Variants in OMD observed in about 807,000 individuals in gnomAD.
The protein encoded by OMD is osteomodulin, also known as KSPG osteomodulin.
OMD carries 19 observed loss-of-function variants against 31.2 expected under a neutral mutation model. The ratio of observed to expected loss-of-function variants is 0.61; its 90% CI spans 0.42 to 0.89. OMD has a LOEUF of 0.89. OMD is among the 40% of genes least tolerant of loss of function. OMD has a pLI of 0.00. For synonymous variants in OMD, 155 were observed against 166.4 expected, an observed-to-expected ratio of 0.93 and a Z score of 0.53; for missense variants, 448 against 490.8, an observed-to-expected ratio of 0.91 and a Z score of 0.82.
At chr9:92,423,052 T>C (rs1843861183) in intron 1 of OMD, among the ~76,000 whole-genome samples, 1 of 152,220 alleles carries the variant, frequency 6.6e-6, no homozygotes, top group Admixed American at 6.5e-5. Flanking sequence ...TAAGGCTTGC[T>C]AGCAAATGCT....
rs1335555745 is a variant in OMD, at chr9:92,413,279, G to T, written c.*1873C>A. Reference sequence around the variant, plus strand: ...TGGGATTACAGGTGTGAGCTAATGCGCCCGACTATATGTAACTAACTTTTT... The same window carrying T: ...TGGGATTACAGGTGTGAGCTAATGCTCCCGACTATATGTAACTAACTTTTT... On this transcript the variant is annotated 3_prime_UTR_variant, in exon 3 of 3. Transcript: ENST00000375550. Among the ~76,000 whole-genome samples the T allele has an allele frequency of 2.0e-5, 3 of 151,930 alleles. No homozygotes were observed. Among genetic ancestry groups the T allele is most frequent in the African/African-American group, 7.3e-5 (3 of 41,368 alleles).
rs145619571 is a variant in OMD at position 92,416,812 on chromosome 9, G to A, written c.747C>T (p.Pro249=). 3.6e-5 allele frequency: 58 copies of A among 1,613,572 alleles called. No homozygotes were observed. The highest frequency in any genetic ancestry group is 4.6e-5 in the Non-Finnish European group (54 of 1,179,794). Residue 249 remains proline, a synonymous_variant, in exon 2 of 3, where the codon CCC becomes CCT. Transcript: ENST00000375550. The part of the protein sequence containing the change: ...SLENNSISSI[P]EKYFDKLPKL... ...TTGGAAGTTTGTCGAAGTATTTTTC[G>A]GGTATAGAAGAAATTGAATTATTTT...
rs1170551294 is a variant in OMD, at chr9:92,413,774, T to C, written c.*1378A>G. Among the ~76,000 whole-genome samples the C allele has an allele frequency of 2.0e-5, 3 of 152,214 alleles. No individual in the cohort carries two copies. Among genetic ancestry groups the C allele is most frequent in the African/African-American group, 7.2e-5 (3 of 41,452 alleles). ...TTGATTAGACGAATGAATGGAGTTT[T>C]CTTCATATTCATCCTGGATTCTTGA... On this transcript the variant is annotated 3_prime_UTR_variant, in exon 3 of 3. Transcript: ENST00000375550.
At chr9:92,421,186 C>T (rs374251851) in intron 1 of OMD, among the ~76,000 whole-genome samples, 19 of 152,138 alleles carry the variant, frequency 1.2e-4, no homozygotes, top group East Asian at 3.9e-4. Flanking sequence ...ATTACAGATG[C>T]GTGCCACCAC....
Position 92,415,250 on chromosome 9 carries a change from T to G in OMD, c.1168A>C (p.Ser390Arg). ...FRRFPDDDDE[S>R]EDHDDPDNAH... Reference sequence around the variant, plus strand: ...TTGTCAGGATCATCGTGATCTTCACTTTCATCATCATCATCTGGAAATCTC... The same window carrying G: ...TTGTCAGGATCATCGTGATCTTCACGTTCATCATCATCATCTGGAAATCTC... The change falls in exon 3 of 3, where the codon AGT becomes CGT. Residue 390 changes from serine (S) to arginine (R), a missense_variant. Transcript: ENST00000375550. 1 of 1,613,816 alleles carries G rather than the reference T, an allele frequency of 6.2e-7. No homozygotes were observed. Among genetic ancestry groups the G allele is most frequent in the Non-Finnish European group, 8.5e-7 (1 of 1,179,780 alleles).
Position 92,415,232 on chromosome 9 carries a change from GATCATCGTGATCTTCACTTTCATC to G in OMD, c.1162_1185del (p.Asp388_Asp395del). On this transcript the variant is annotated inframe_deletion, in exon 3 of 3. Transcript: ENST00000375550. Reference sequence around the variant, plus strand: ...TCTGGGCTCTCATGAGCATTGTCAGGATCATCGTGATCTTCACTTTCATCATCATCATCTGGAAATCTCCTGAAA... The same window carrying G: ...TCTGGGCTCTCATGAGCATTGTCAGGATCATCATCTGGAAATCTCCTGAAA... 2.5e-6 allele frequency: 4 copies of G among 1,613,660 alleles called. No individual in the cohort carries two copies. The highest frequency in any genetic ancestry group is 3.4e-6 in the Non-Finnish European group (4 of 1,179,720).
chr9:92,418,391 T>C (rs929566276), intron 1 of OMD, among the ~76,000 whole-genome samples: 1 of 134,152 alleles, frequency 7.5e-6, no homozygotes, highest in East Asian at 2.0e-4. Flanking sequence ...CTGGCCGAGA[T>C]TTTTTTTTTT....
chr9:92,421,659 T>C (rs528693877), intron 1 of OMD, among the ~76,000 whole-genome samples: 3 of 152,356 alleles, frequency 2.0e-5, no homozygotes, highest in South Asian at 4.1e-4. Flanking sequence ...GTTAGTTTGA[T>C]TGGGTTACAT....
chr9:92,423,821 A>G (rs1234691358), intron 1 of OMD, among the ~76,000 whole-genome samples: 1 of 152,164 alleles, frequency 6.6e-6, no homozygotes, highest in Non-Finnish European at 1.5e-5. Context: ...AATCACTAGC[A>G]TTGCTCAGCT....
chr9:92,417,287 A>G lies in OMD; in HGVS notation c.272T>C (p.Met91Thr), dbSNP rs759947905. ...CTGAAGGTAGAGTTGCTGAATGTGC[A>G]TCGGAATATTTGGGATAGTCTTGAG... ...RKLKTIPNIP[M>T]HIQQLYLQFN... The change falls in exon 2 of 3, where the codon ATG becomes ACG. Residue 91 changes from methionine to threonine, a missense_variant. By Grantham distance (81) the Met-to-Thr change is moderately conservative (BLOSUM62 -1). Coordinates refer to ENST00000375550, the MANE Select transcript of OMD (RefSeq NM_005014.3). The G allele has an allele frequency of 1.9e-6, 3 of 1,614,124 alleles. No homozygotes were observed. The highest frequency in any genetic ancestry group is 1.3e-5 in the African/African-American group (1 of 75,054).
At chr9:92,416,415 T>C (rs1843614576) in intron 2 of OMD, among the ~76,000 whole-genome samples, 1 of 152,102 alleles carries the variant, frequency 6.6e-6, no homozygotes, top group Non-Finnish European at 1.5e-5. Flanking sequence ...TATTTCTCAA[T>C]ATTTAAGGCA....
rs1843518459 is a variant in OMD, at chr9:92,414,075, A to G, written c.*1077T>C. 6.6e-6 allele frequency among the ~76,000 whole-genome samples: 1 copy of G among 152,190 alleles called. No individual in the cohort carries two copies. The highest frequency in any genetic ancestry group is 1.5e-5 in the Non-Finnish European group (1 of 68,030). ...ATGGTATATCAAGAGAGTTCATCAC[A>G]GCAGTTAGATAATCATCATTGTAAG... On this transcript the variant is annotated 3_prime_UTR_variant, in exon 3 of 3. Transcript: ENST00000375550.
In OMD at chr9:92,412,996, T is replaced by G. The variant is rs1430356995; in HGVS notation, c.*2156A>C. Among the ~76,000 whole-genome samples the G allele has an allele frequency of 6.8e-6, 1 of 146,988 alleles. No individual in the cohort carries two copies. Among genetic ancestry groups the G allele is most frequent in the Admixed American group, 6.8e-5 (1 of 14,740 alleles). On this transcript the variant is annotated 3_prime_UTR_variant, in exon 3 of 3. Coordinates refer to ENST00000375550, the MANE Select transcript of OMD (RefSeq NM_005014.3). ...TAAGCTTTTTTTTTTTTTTTTTTTT[T>G]TTTTTGATATGGACTTTTGCTCTTG...
chr9:92,420,772 A>G (rs1843767977), intron 1 of OMD, among the ~76,000 whole-genome samples: 1 of 151,932 alleles, frequency 6.6e-6, no homozygotes, highest in African/African-American at 2.4e-5. Context: ...TTTTTTAACA[A>G]TATGTGCTTT....
chr9:92,413,609 G>A lies in OMD; in HGVS notation c.*1543C>T, dbSNP rs1333253131. Among the ~76,000 whole-genome samples, 1 of 152,162 alleles carries A rather than the reference G, an allele frequency of 6.6e-6. No homozygotes were observed. ...CCTGTATTTAAAAATTGCAAGAAAA[G>A]GGAGGTGGGCCTTAAGATTTTTTTT... On this transcript the variant is annotated 3_prime_UTR_variant, in exon 3 of 3. Transcript: ENST00000375550.
intron 1 of OMD, among the ~76,000 whole-genome samples, chr9:92,417,938 A>G (rs1222415056): frequency 6.6e-6 from 1 of 151,898 alleles, no homozygotes; most frequent in Non-Finnish European, 1.5e-5. Flanking sequence ...GTGTTGCCCA[A>G]GCTGGTCTCA....
At chr9:92,415,683 T>G (rs1843570950) in intron 2 of OMD, among the ~76,000 whole-genome samples, 1 of 150,028 alleles carries the variant, frequency 6.7e-6, no homozygotes, top group African/African-American at 2.4e-5. Context: ...TATATATGGC[T>G]TCATTGGCTT....
rs1380225334 is a variant in OMD at position 92,413,467 on chromosome 9, A to AT, written c.*1684dup. ...ACATAGTAATATCTCATTTATTTGCATTTCCCTAATGGCTCATAAATTTTA... is the reference window on the plus strand; with the variant it reads ...ACATAGTAATATCTCATTTATTTGCATTTTCCCTAATGGCTCATAAATTTTA... On this transcript the variant is annotated 3_prime_UTR_variant, in exon 3 of 3. Coordinates refer to ENST00000375550, the MANE Select transcript of OMD (RefSeq NM_005014.3). Among the ~76,000 whole-genome samples, 1 of 152,084 alleles carries AT rather than the reference A, an allele frequency of 6.6e-6. No homozygotes were observed. The highest frequency in any genetic ancestry group is 1.5e-5 in the Non-Finnish European group (1 of 68,022).
rs760797678 is a variant in OMD at position 92,415,473 on chromosome 9, C to A, written c.945G>T (p.Met315Ile). Residue 315 changes from methionine to isoleucine, a missense_variant, in exon 3 of 3, where the codon ATG becomes ATT. Met to Ile is a conservative substitution (Grantham distance 10). Coordinates refer to ENST00000375550, the MANE Select transcript of OMD (RefSeq NM_005014.3). ...LYLQNNEIEK[M>I]NLTVMCPSID... is the part of the protein sequence containing the mutation. ...TAGAAGGACACATCACTGTAAGATT[C>A]ATCTCTGAAAGAAATAAATTAAAAA... 4.5e-6 allele frequency: 7 copies of A among 1,560,086 alleles called. No homozygotes were observed. The highest frequency in any genetic ancestry group is 1.2e-5 in the South Asian group (1 of 83,670).
Sources: gnomAD v4.1 joint callset for allele counts (sites outside exome capture counted in the v4.1 genomes callset) on GRCh38, gnomAD v4.1.1 for gene constraint, MANE v1.5 for transcripts, NCBI Gene and HGNC (gene_info 2026-07-23, HGNC 2026-07-21) for gene names.